SFMBT2: variants seen among roughly 807,000 people sequenced by gnomAD.
SFMBT2 encodes Scm like with four mbt domains 2.
SFMBT2 carries 38 observed loss-of-function variants against 110.1 expected under a neutral mutation model. The observed-to-expected ratio is 0.35, with a 90% CI of 0.27 to 0.45. The LOEUF is 0.45. Ranked by LOEUF, SFMBT2 falls within the 20% of genes least tolerant of loss-of-function variation. SFMBT2 has a pLI of 1.00. For synonymous variants in SFMBT2, 425 were observed against 425.4 expected, an observed-to-expected ratio of 1.00 and a Z score of 0.01; for missense variants, 1,011 against 1,094.9, an observed-to-expected ratio of 0.92 and a Z score of 1.08.
intron 1 of SFMBT2, among the ~76,000 whole-genome samples, chr10:7,397,947 C>G (rs551782257): frequency 6.6e-6 from 1 of 152,216 alleles, no homozygotes; most frequent in Non-Finnish European, 1.5e-5. Context: ...GCTGATTGTT[C>G]GGGGCAGGAG....
chr10:7,169,241 C>T (rs190761848), intron 20 of SFMBT2, among the ~76,000 whole-genome samples: 236 of 152,276 alleles, frequency 1.5e-3, no homozygotes, highest in African/African-American at 5.3e-3. Flanking sequence ...GTTAGGATTA[C>T]AGGCATAAGC....
At chr10:7,305,884 T>C (rs1466727301) in intron 4 of SFMBT2, among the ~76,000 whole-genome samples, 1 of 152,226 alleles carries the variant, frequency 6.6e-6, no homozygotes, top group Non-Finnish European at 1.5e-5. Context: ...AGGAACAGTG[T>C]GGGGAAGTAA....
At chr10:7,180,281 C>A (rs1243313248) in intron 16 of SFMBT2, among the ~76,000 whole-genome samples, 1 of 146,916 alleles carries the variant, frequency 6.8e-6, no homozygotes, top group Non-Finnish European at 1.5e-5. Context: ...CCCACCACCA[C>A]GCCTATAGTG....
intron 4 of SFMBT2, among the ~76,000 whole-genome samples, chr10:7,343,541 G>A (rs183568772): frequency 1.5e-3 from 227 of 152,196 alleles, no homozygotes; most frequent in African/African-American, 4.1e-3. Context: ...CCACAACCTC[G>A]CCAGCATCTG....
chr10:7,352,408 G>A (rs984669111), intron 4 of SFMBT2, among the ~76,000 whole-genome samples: 8 of 152,252 alleles, frequency 5.3e-5, no homozygotes, highest in Middle Eastern at 3.4e-3. Flanking sequence ...CTGCAGCCTC[G>A]ACCTCCTGAG....
intron 15 of SFMBT2, among the ~76,000 whole-genome samples, chr10:7,190,249 G>A (rs977458393): frequency 6.6e-6 from 1 of 152,152 alleles, no homozygotes; most frequent in Non-Finnish European, 1.5e-5. Context: ...TTTACTGTCA[G>A]TACAATTTAC....
chr10:7,181,414 G>C (rs1838244148), intron 16 of SFMBT2, among the ~76,000 whole-genome samples: 1 of 152,098 alleles, frequency 6.6e-6, no homozygotes, highest in Non-Finnish European at 1.5e-5. Flanking sequence ...TGGAATAAAG[G>C]ATATTCAACA....
At chr10:7,288,532 T>C (rs540349008) in intron 4 of SFMBT2, among the ~76,000 whole-genome samples, 1 of 152,310 alleles carries the variant, frequency 6.6e-6, no homozygotes, top group Admixed American at 6.5e-5. Flanking sequence ...GTCATCATTC[T>C]TCAAAGGCTA....
In SFMBT2 at chr10:7,408,664, C is replaced by G. The variant is rs1846288980; in HGVS notation, c.-52+2197G>C. On this transcript the variant is annotated intron_variant, in intron 1 of 20. Transcript: ENST00000397167. The surrounding 1 kb of genome is among the most constrained non-coding windows in gnomAD (Gnocchi z 5.7). ...CCTCTGTTCAGCGGCCGCGTCCTGGCCACGGGCGACCCCTGTCGGGAACCC... is the reference window on the plus strand; with the variant it reads ...CCTCTGTTCAGCGGCCGCGTCCTGGGCACGGGCGACCCCTGTCGGGAACCC... The G allele has an allele frequency of 6.6e-6, 1 of 152,208 alleles. No homozygotes were observed. The highest frequency in any genetic ancestry group is 2.4e-5 in the African/African-American group (1 of 41,450). 9.4% of individuals were successfully genotyped at this position (152,208 alleles called of 1,614,324 possible).
chr10:7,236,874 G>A (rs1229067983), intron 9 of SFMBT2, among the ~76,000 whole-genome samples: 3 of 152,146 alleles, frequency 2.0e-5, no homozygotes, highest in Non-Finnish European at 4.4e-5. Context: ...GCACATTGCT[G>A]AGAAAGAATT....
rs1837931839 is a variant in SFMBT2 at position 7,172,860 on chromosome 10, G to C, written c.1985-199C>G. Among the ~76,000 whole-genome samples the C allele has an allele frequency of 6.6e-6, 1 of 152,196 alleles. No individual in the cohort carries two copies. Among genetic ancestry groups the C allele is most frequent in the African/African-American group, 2.4e-5 (1 of 41,434 alleles). ...TCTGGAAGGTGTTCGGGCTGAACTT[G>C]GCCCGTCCCCAGTGTTGAAGCCCAA... On this transcript the variant is annotated intron_variant, in intron 17 of 20. Coordinates refer to ENST00000397167, the MANE Select transcript of SFMBT2 (RefSeq NM_001387889.1). The surrounding 1 kb of genome is among the most constrained non-coding windows in gnomAD (Gnocchi z 4.6).
chr10:7,384,801 C>T (rs761579371), intron 1 of SFMBT2, among the ~76,000 whole-genome samples: 24 of 152,184 alleles, frequency 1.6e-4, no homozygotes, highest in Non-Finnish European at 3.4e-4. Flanking sequence ...AGCAATCCTT[C>T]CAGATTCCTG....
chr10:7,313,978 G>A (rs1842922753), intron 4 of SFMBT2, among the ~76,000 whole-genome samples: 1 of 152,186 alleles, frequency 6.6e-6, no homozygotes, highest in Admixed American at 6.5e-5. Context: ...GGAGAGGAAG[G>A]AGGACTTTCA....
chr10:7,337,010 A>T (rs1781917147), intron 4 of SFMBT2, among the ~76,000 whole-genome samples: 1 of 152,206 alleles, frequency 6.6e-6, no homozygotes, highest in South Asian at 2.1e-4. Context: ...CACCAGTAAG[A>T]TTTAACCCAA....
chr10:7,195,016 G>A (rs1838724634), intron 15 of SFMBT2, among the ~76,000 whole-genome samples: 1 of 152,228 alleles, frequency 6.6e-6, no homozygotes, highest in African/African-American at 2.4e-5. Flanking sequence ...CAGGCTTGCA[G>A]GCAGCTTCGA....
intron 4 of SFMBT2, among the ~76,000 whole-genome samples, chr10:7,292,925 T>G (rs1842303264): frequency 6.6e-6 from 1 of 151,844 alleles, no homozygotes; most frequent in Non-Finnish European, 1.5e-5. Flanking sequence ...CCTGGAAGGA[T>G]GCAGTGAGCC....
chr10:7,185,835 T>TC (rs1838385590), intron 16 of SFMBT2, among the ~76,000 whole-genome samples: 1 of 151,876 alleles, frequency 6.6e-6, no homozygotes, highest in Non-Finnish European at 1.5e-5. Flanking sequence ...GGCTTTTTTT[T>TC]TCCTTACCCC....
At chr10:7,355,884 C>A (rs1021132454) in intron 4 of SFMBT2, among the ~76,000 whole-genome samples, 1 of 152,316 alleles carries the variant, frequency 6.6e-6, no homozygotes, top group Admixed American at 6.5e-5. Flanking sequence ...GTACTAATTT[C>A]TTCCAGAATA....
chr10:7,285,709 GT>G, intron 5 of SFMBT2, 156 bp downstream of exon 5: 1 of 644,358 alleles, frequency 1.6e-6, no homozygotes, highest in South Asian at 1.9e-5. Context: ...AGTCACCTAA[GT>G]AATTCAGGAC....
Sources: gnomAD v4.1 joint callset for allele counts (sites outside exome capture counted in the v4.1 genomes callset) on GRCh38, gnomAD v4.1.1 for gene constraint, Gnocchi (gnomAD v3.1) non-coding constraint, MANE v1.5 for transcripts, NCBI Gene and HGNC (gene_info 2026-07-23, HGNC 2026-07-21) for gene names.